The following ABCC1 variants were observed in gnomAD, a reference collection of about 807,000 sequenced individuals.
ABCC1 encodes the protein multidrug resistance-associated protein 1.
In ABCC1, 83 loss-of-function variants were observed where a neutral mutation model predicts 172.9. The ratio of observed to expected loss-of-function variants is 0.48; its 90% CI spans 0.40 to 0.58. ABCC1 has a LOEUF of 0.58. Among genes scored for constraint, ABCC1 ranks in the 20% least tolerant of loss-of-function variants. ABCC1 has a pLI of 0.00. For synonymous variants in ABCC1, 937 were observed against 825.2 expected (o/e 1.14, Z -2.32); for missense variants, 1,817 against 2,002.7 (o/e 0.91, Z 1.77).
chr16:16,111,027 A>G (rs9933592), intron 21 of ABCC1, among the ~76,000 whole-genome samples: 52,363 of 151,782 alleles, frequency 0.34, 9,652 homozygotes, highest in African/African-American at 0.47. Context: ...CGGCCTTCCA[A>G]TTAGCTGGGA....
intron 12 of ABCC1, among the ~76,000 whole-genome samples, chr16:16,058,813 G>A (rs2049784835): frequency 6.6e-6 from 1 of 152,094 alleles, no homozygotes; most frequent in South Asian, 2.1e-4. Flanking sequence ...ACCATGCTCA[G>A]CTAATTTTTA....
intron 21 of ABCC1, among the ~76,000 whole-genome samples, chr16:16,109,451 A>G (rs1476118453): frequency 6.6e-6 from 1 of 152,184 alleles, no homozygotes; most frequent in Non-Finnish European, 1.5e-5. Context: ...TGCTGGCATT[A>G]TAGGTGTGAG....
chr16:16,003,607 G>A (rs907501464), intron 1 of ABCC1, among the ~76,000 whole-genome samples: 6 of 148,730 alleles, frequency 4.0e-5, no homozygotes, highest in African/African-American at 1.5e-4. Flanking sequence ...TTGGTGGATG[G>A]GTAGGTGGAT....
intron 1 of ABCC1, among the ~76,000 whole-genome samples, chr16:15,958,685 A>G (rs1288953870): frequency 6.6e-6 from 1 of 152,174 alleles, no homozygotes; most frequent in African/African-American, 2.4e-5. Context: ...TCCTGAGGCA[A>G]GCTTCCCCCC....
intron 14 of ABCC1, among the ~76,000 whole-genome samples, chr16:16,075,836 A>G (rs1248723943): frequency 6.6e-6 from 1 of 152,126 alleles, no homozygotes; most frequent in Non-Finnish European, 1.5e-5. Flanking sequence ...CCTGGGGAGA[A>G]GGGTGAACGA....
intron 22 of ABCC1, among the ~76,000 whole-genome samples, chr16:16,114,415 A>C (rs1275823058): frequency 6.6e-6 from 1 of 150,564 alleles, no homozygotes; most frequent in Non-Finnish European, 1.5e-5. Context: ...GTCTTGGCTC[A>C]CTGCAACCTC....
At chr16:16,060,073 G>C (rs1476546671) in intron 12 of ABCC1, among the ~76,000 whole-genome samples, 1 of 152,256 alleles carries the variant, frequency 6.6e-6, no homozygotes, top group African/African-American at 2.4e-5. Flanking sequence ...ATGTGGACCT[G>C]AGCCATCCTT....
At chr16:16,081,173 A>T (rs3887412) in intron 16 of ABCC1, among the ~76,000 whole-genome samples, 37,479 of 152,114 alleles carry the variant, frequency 0.25, 6,011 homozygotes, top group African/African-American at 0.46. Flanking sequence ...TGGCCTAGTT[A>T]ATGACATTGT....
rs200201738 is a variant in ABCC1, at chr16:15,994,288, T to C, written c.49-13528T>C. ...GTTCAAGCACGTGGTTTAGAGGTGGTGGATCTCAGTGTCAGACTCTCAGTG... is the reference window on the plus strand; with the variant it reads ...GTTCAAGCACGTGGTTTAGAGGTGGCGGATCTCAGTGTCAGACTCTCAGTG... On this transcript the variant is annotated intron_variant, in intron 1 of 30. Transcript: ENST00000399410. 3.3e-5 allele frequency among the ~76,000 whole-genome samples: 5 copies of C among 152,198 alleles called. No individual in the cohort carries two copies. In the East Asian group the frequency reaches 9.7e-4, roughly 29 times the overall value.
intron 1 of ABCC1, among the ~76,000 whole-genome samples, chr16:15,977,534 C>T (rs1021383094): frequency 1.3e-5 from 2 of 152,192 alleles, no homozygotes; most frequent in African/African-American, 4.8e-5. Context: ...CTGTGGCCAG[C>T]TTATACCCCC....
At chr16:16,123,546 G>A (rs951056818) in intron 24 of ABCC1, among the ~76,000 whole-genome samples, 5 of 152,036 alleles carry the variant, frequency 3.3e-5, no homozygotes, top group African/African-American at 1.2e-4. Context: ...AGAATCACTT[G>A]AACCCAAGAG....
chr16:16,136,344 C>G (rs2045916698), intron 28 of ABCC1, 134 bp from the exon 29 acceptor site: 3 of 999,896 alleles, frequency 3.0e-6, no homozygotes, highest in Admixed American at 5.6e-5. Context: ...TTATTAACAT[C>G]TCCAGAAATA....
At chr16:16,095,614 T>G (rs1255494952) in intron 19 of ABCC1, among the ~76,000 whole-genome samples, 7 of 152,250 alleles carry the variant, frequency 4.6e-5, no homozygotes, top group African/African-American at 1.7e-4. Context: ...GCTGAATTCT[T>G]CCCTTGTCCT....
At chr16:16,021,039 G>T (rs890043724) in intron 5 of ABCC1, among the ~76,000 whole-genome samples, 30 of 152,192 alleles carry the variant, frequency 2.0e-4, no homozygotes, top group African/African-American at 7.2e-4. Context: ...GCTTCACGTG[G>T]CAGTATCCAC....
At chr16:15,999,809 C>CTCTCTCTT (rs374395529) in intron 1 of ABCC1, among the ~76,000 whole-genome samples, 1 of 8,360 alleles carries the variant, frequency 1.2e-4, no homozygotes. Flanking sequence ...CTCTCTCTCT[C>CTCTCTCTT]CTCTCTCTCT....
At chr16:16,017,710 A>G (rs1016922121) in intron 5 of ABCC1, among the ~76,000 whole-genome samples, 2 of 152,052 alleles carry the variant, frequency 1.3e-5, no homozygotes, top group African/African-American at 4.8e-5. Flanking sequence ...CGCCTCGCCT[A>G]TTCTTTATTT....
In ABCC1 at chr16:15,961,111, G is replaced by C. The variant is rs527941158; in HGVS notation, c.48+11312G>C. Among the ~76,000 whole-genome samples, 40 of 150,964 alleles carry C rather than the reference G, an allele frequency of 2.6e-4. No individual in the cohort carries two copies. In the East Asian group the frequency reaches 7.6e-3, roughly 29 times the overall value. ...TCCACCCACCTTGGCCCTTCCATGT[G>C]CTGGGATTACAGGCATGAGGCACTA... On this transcript the variant is annotated intron_variant, in intron 1 of 30. Transcript: ENST00000399410.
At chr16:15,977,202 A>C (rs1567282816) in intron 1 of ABCC1, among the ~76,000 whole-genome samples, 2 of 152,186 alleles carry the variant, frequency 1.3e-5, no homozygotes, top group Non-Finnish European at 2.9e-5. Context: ...ATATTCAAGA[A>C]AAGGGTAAGC....
At chr16:16,000,472 A>G (rs1302897561) in intron 1 of ABCC1, among the ~76,000 whole-genome samples, 1 of 151,914 alleles carries the variant, frequency 6.6e-6, no homozygotes, top group Non-Finnish European at 1.5e-5. Context: ...TTATCAGGAG[A>G]CTGAAGCTTG....
Sources: allele counts gnomAD v4.1 joint callset (sites outside exome capture counted in the v4.1 genomes callset), GRCh38; gene constraint gnomAD v4.1.1; transcripts MANE v1.5; gene names NCBI Gene and HGNC (gene_info 2026-07-23, HGNC 2026-07-21).